GARIN2: variants seen among roughly 807,000 people sequenced by gnomAD.
The protein encoded by GARIN2 is Golgi-associated RAB2 interactor protein 2.
At chr14:67,212,630 T>C in the GARIN2 span, among the ~76,000 whole-genome samples, 3 of 145,738 alleles carry the variant, frequency 2.1e-5, no homozygotes, top group African/African-American at 5.0e-5. Flanking sequence ...ATATATTATA[T>C]ATAATATATA....
chr14:67,213,444 T>G, the GARIN2 span, among the ~76,000 whole-genome samples: 4 of 149,610 alleles, frequency 2.7e-5, no homozygotes, highest in Non-Finnish European at 5.9e-5. Context: ...GATAGTTTAC[T>G]GAGAATGATG....
chr14:67,200,344 C>A, the GARIN2 span: 1 of 645,354 alleles, frequency 1.5e-6, no homozygotes, highest in Non-Finnish European at 2.8e-6. Flanking sequence ...ATTTTCCTTC[C>A]TCCTATTACA....
At chr14:67,223,974 A>C in the GARIN2 span, 1 of 984,964 alleles carries the variant, frequency 1.0e-6, no homozygotes, top group African/African-American at 1.7e-5. Flanking sequence ...TTATAGGCGG[A>C]AATCAGAATA....
chr14:67,206,766 C>T, the GARIN2 span, among the ~76,000 whole-genome samples: 16 of 151,702 alleles, frequency 1.1e-4, no homozygotes, highest in Admixed American at 2.0e-4. Context: ...AGTCTCACTC[C>T]GTTGCCCAGG....
At chr14:67,228,204 G>A in the GARIN2 span, 1 of 152,190 alleles carries the variant, frequency 6.6e-6, no homozygotes, top group South Asian at 2.1e-4. Flanking sequence ...GTTTAATAAT[G>A]TTTTAATGGC....
chr14:67,207,871 G>A, the GARIN2 span, among the ~76,000 whole-genome samples: 1 of 152,150 alleles, frequency 6.6e-6, no homozygotes, highest in Non-Finnish European at 1.5e-5. Context: ...GGGAATCAGT[G>A]GCATTTCTGG....
At chr14:67,208,138 C>T in the GARIN2 span, 15 of 1,590,116 alleles carry the variant, frequency 9.4e-6, no homozygotes, top group South Asian at 1.2e-5. Context: ...GATACTGTTC[C>T]ACAAACACCT....
At chr14:67,212,628 T>TAAAA in the GARIN2 span, among the ~76,000 whole-genome samples, 1 of 145,482 alleles carries the variant, frequency 6.9e-6, no homozygotes, top group Non-Finnish European at 1.5e-5. Context: ...ATATATATTA[T>TAAAA]ATATAATATA....
At chr14:67,223,213 T>G in the GARIN2 span, among the ~76,000 whole-genome samples, 3 of 152,160 alleles carry the variant, frequency 2.0e-5, no homozygotes, top group Non-Finnish European at 4.4e-5. Flanking sequence ...TTGGCCAGGC[T>G]GGTCTCGAAC....
chr14:67,207,911 A>G, the GARIN2 span, among the ~76,000 whole-genome samples: 1 of 152,206 alleles, frequency 6.6e-6, no homozygotes, highest in Non-Finnish European at 1.5e-5. Flanking sequence ...CAATTCACAG[A>G]GAAGTACTGT....
At chr14:67,193,500 G>T in the GARIN2 span, among the ~76,000 whole-genome samples, 2 of 128,014 alleles carry the variant, frequency 1.6e-5, no homozygotes, top group African/African-American at 2.9e-5. Context: ...TATATATCTA[G>T]ATATCCATAT....
the GARIN2 span, chr14:67,204,449 A>G: frequency 1.4e-6 from 2 of 1,404,216 alleles, no homozygotes; most frequent in East Asian, 2.6e-5. Flanking sequence ...CTCAAAACAA[A>G]CAAACAAATA....
chr14:67,225,962 T>TGTGTGTGTGC, the GARIN2 span, among the ~76,000 whole-genome samples: 789 of 113,450 alleles, frequency 7.0e-3, 2 homozygotes, highest in Non-Finnish European at 8.6e-3. Context: ...TGTGTGTGTG[T>TGTGTGTGTGC]GCGCGCGCGC....
chr14:67,196,686 C>A, the GARIN2 span: 1 of 152,162 alleles, frequency 6.6e-6, no homozygotes, highest in Non-Finnish European at 1.5e-5. Context: ...CTCAGGATTC[C>A]ACTGTTTGGC....
At chr14:67,204,845 C>T in the GARIN2 span, 2 of 1,613,994 alleles carry the variant, frequency 1.2e-6, no homozygotes, top group Non-Finnish European at 1.7e-6. Context: ...TATGCAGGTA[C>T]AGGCCCTGAA....
chr14:67,210,180 C>A, the GARIN2 span, among the ~76,000 whole-genome samples: 2 of 152,114 alleles, frequency 1.3e-5, no homozygotes, highest in Admixed American at 1.3e-4. Flanking sequence ...ATATGGAAAA[C>A]CTGTAAGTAA....
At chr14:67,197,955 T>G in the GARIN2 span, among the ~76,000 whole-genome samples, 1 of 152,234 alleles carries the variant, frequency 6.6e-6, no homozygotes, top group Non-Finnish European at 1.5e-5. Flanking sequence ...GAGTGTAAGC[T>G]GAATGAGGGC....
At chr14:67,200,139 TC>T in the GARIN2 span, 1 of 1,112,962 alleles carries the variant, frequency 9.0e-7, no homozygotes, top group South Asian at 1.5e-5. Flanking sequence ...CATTCTGATC[TC>T]CCATGGGTCA....
the GARIN2 span, chr14:67,200,135 G>T: frequency 1.8e-6 from 2 of 1,110,124 alleles, no homozygotes; most frequent in Non-Finnish European, 1.3e-6. Flanking sequence ...CCTCCATTCT[G>T]ATCTCCCATG....
Sources: gnomAD v4.1 joint callset for allele counts (sites outside exome capture counted in the v4.1 genomes callset) on GRCh38, gnomAD v4.1.1 for gene constraint, MANE v1.5 for transcripts, NCBI Gene and HGNC (gene_info 2026-07-23, HGNC 2026-07-21) for gene names.